PALM2AKAP2: variants seen among roughly 807,000 people sequenced by gnomAD.
The protein encoded by PALM2AKAP2 is PALM2 and AKAP2 fusion.
In PALM2AKAP2, 37 loss-of-function variants were observed where a neutral mutation model predicts 71.5. The ratio of observed to expected loss-of-function variants is 0.52; its 90% CI spans 0.40 to 0.68. The LOEUF (loss-of-function observed/expected upper bound fraction) is 0.68, where lower values mean the gene tolerates loss of function less well. Ranked by LOEUF, PALM2AKAP2 falls within the 30% of genes least tolerant of loss-of-function variation. The pLI is 0.00. For synonymous variants in PALM2AKAP2, 468 were observed against 478.8 expected, an observed-to-expected ratio of 0.98 and a Z score of 0.29; for missense variants, 1,224 against 1,191.8, an observed-to-expected ratio of 1.03 and a Z score of -0.40.
At chr9:109,693,259 C>G (rs1291543476) in intron 1 of PALM2AKAP2, among the ~76,000 whole-genome samples, 1 of 151,804 alleles carries the variant, frequency 6.6e-6, no homozygotes, top group Non-Finnish European at 1.5e-5. Context: ...TTTGTTGTCA[C>G]AAAGTTTTCT....
At chr9:109,700,051 G>A (rs1391349918) in intron 1 of PALM2AKAP2, among the ~76,000 whole-genome samples, 1 of 152,154 alleles carries the variant, frequency 6.6e-6, no homozygotes, top group Non-Finnish European at 1.5e-5. Flanking sequence ...TGAGATTACA[G>A]GCTTGAGCCA....
At chr9:109,958,903 GTGGGGGGAATAC>G (rs1277523064) in intron 6 of PALM2AKAP2, among the ~76,000 whole-genome samples, 1 of 152,198 alleles carries the variant, frequency 6.6e-6, no homozygotes, top group Non-Finnish European at 1.5e-5. Flanking sequence ...ATGAAATTCA[GTGGGGGGAATAC>G]CTGCCTGACC....
chr9:109,737,576 A>G (rs1587888837), intron 1 of PALM2AKAP2, among the ~76,000 whole-genome samples: 1 of 152,356 alleles, frequency 6.6e-6, no homozygotes, highest in Middle Eastern at 3.4e-3. Context: ...GGCACACAAG[A>G]AAGAAAGGTT....
chr9:110,026,979 G>T (rs1330217845), intron 7 of PALM2AKAP2, among the ~76,000 whole-genome samples: 6 of 152,214 alleles, frequency 3.9e-5, no homozygotes, highest in Admixed American at 6.5e-5. Context: ...GGAGGTAGAG[G>T]TTGCAGTGAG....
At chr9:109,865,096 CTTTTT>C (rs58922983) in intron 1 of PALM2AKAP2, among the ~76,000 whole-genome samples, 8,053 of 75,766 alleles carry the variant, frequency 0.11, 367 homozygotes, top group Middle Eastern at 0.31. Context: ...CTACTCATTC[CTTTTT>C]TTTTTTTTTT....
At chr9:109,856,008 G>A (rs546069319) in intron 1 of PALM2AKAP2, among the ~76,000 whole-genome samples, 4 of 152,142 alleles carry the variant, frequency 2.6e-5, no homozygotes, top group African/African-American at 7.2e-5. Context: ...AAACCCCCTT[G>A]GGCCCTAAAG....
chr9:110,097,206 C>T (rs1160722793), intron 1 of PALM2AKAP2, among the ~76,000 whole-genome samples: 1 of 150,744 alleles, frequency 6.6e-6, no homozygotes, highest in African/African-American at 2.5e-5. Context: ...CATCTTGCAC[C>T]GCCCTTAATC....
At chr9:109,804,376 C>T (rs1218567846) in intron 1 of PALM2AKAP2, among the ~76,000 whole-genome samples, 17 of 152,182 alleles carry the variant, frequency 1.1e-4, no homozygotes. Context: ...AAGCTGTAAT[C>T]TCAGTCTGGG....
chr9:110,051,808 A>T (rs1415816102), intron 1 of PALM2AKAP2, among the ~76,000 whole-genome samples: 1 of 152,152 alleles, frequency 6.6e-6, no homozygotes, highest in Non-Finnish European at 1.5e-5. Flanking sequence ...TAGATTGTTG[A>T]TCAGGGATTC....
At chr9:109,917,802 C>T (rs1477684971) in intron 3 of PALM2AKAP2, among the ~76,000 whole-genome samples, 1 of 152,170 alleles carries the variant, frequency 6.6e-6, no homozygotes, top group Non-Finnish European at 1.5e-5. Context: ...CCCTCCTTTC[C>T]CTTTTAGGGA....
In PALM2AKAP2 at chr9:109,696,707, C is replaced by A. The variant is rs1041912635; in HGVS notation, c.5+55841C>A. Among the ~76,000 whole-genome samples, 8 of 152,280 alleles carry A rather than the reference C, an allele frequency of 5.3e-5. No homozygotes were observed. In the South Asian group the frequency reaches 1.0e-3, roughly 20 times the overall value. ...TGTGGTGTTCCACCTGCATCCCCTTCCCTGGGCCAGTGCATCTGTCTCCCG... is the reference window on the plus strand; with the variant it reads ...TGTGGTGTTCCACCTGCATCCCCTTACCTGGGCCAGTGCATCTGTCTCCCG... On this transcript the variant is annotated intron_variant, in intron 1 of 6. Transcript: ENST00000374531.
chr9:109,947,849 T>A (rs1463706478), intron 6 of PALM2AKAP2, among the ~76,000 whole-genome samples: 1 of 152,232 alleles, frequency 6.6e-6, no homozygotes, highest in African/African-American at 2.4e-5. Flanking sequence ...ATTCTCAGCA[T>A]AAGTAAGACA....
chr9:109,898,311 A>G (rs765797772), intron 3 of PALM2AKAP2, among the ~76,000 whole-genome samples: 4 of 152,220 alleles, frequency 2.6e-5, no homozygotes, highest in African/African-American at 7.2e-5. Flanking sequence ...CCTGTGCACA[A>G]ACATGTGCTT....
intron 6 of PALM2AKAP2, among the ~76,000 whole-genome samples, chr9:109,937,737 C>A (rs1831261190): frequency 6.6e-6 from 1 of 152,162 alleles, no homozygotes; most frequent in Admixed American, 6.5e-5. Flanking sequence ...TCTTCTATTT[C>A]TTTTCCTTCT....
At chr9:109,904,485 T>C (rs1469375475) in intron 3 of PALM2AKAP2, among the ~76,000 whole-genome samples, 3 of 152,236 alleles carry the variant, frequency 2.0e-5, no homozygotes, top group Non-Finnish European at 4.4e-5. Context: ...TTTATGCAGG[T>C]CCCAGGTCAT....
At chr9:109,652,214 C>T (rs1399655803) in intron 1 of PALM2AKAP2, among the ~76,000 whole-genome samples, 2 of 152,126 alleles carry the variant, frequency 1.3e-5, no homozygotes, top group Admixed American at 6.5e-5. Context: ...TATTTGTCCT[C>T]CCACCCAGAT....
At chr9:109,802,828 G>A (rs1018660358) in intron 1 of PALM2AKAP2, among the ~76,000 whole-genome samples, 7 of 152,218 alleles carry the variant, frequency 4.6e-5, no homozygotes, top group Admixed American at 3.3e-4. Context: ...GAGGAAGAGC[G>A]TAAATTTAGA....
chr9:109,732,028 C>T (rs1216427110), intron 1 of PALM2AKAP2, among the ~76,000 whole-genome samples: 2 of 152,194 alleles, frequency 1.3e-5, no homozygotes, highest in Non-Finnish European at 2.9e-5. Context: ...ACTTTCGTGC[C>T]TTCAGCAGGA....
exon 3 of PALM2AKAP2, chr9:110,156,374 G>A (rs888716511): frequency 3.1e-6 from 5 of 1,610,962 alleles, no homozygotes; most frequent in Non-Finnish European, 4.2e-6. Context: ...GCCCCAGCTT[G>A]CAGCCTGACT....
Sources: allele counts gnomAD v4.1 joint callset (sites outside exome capture counted in the v4.1 genomes callset), GRCh38; gene constraint gnomAD v4.1.1; transcripts MANE v1.5; gene names NCBI Gene and HGNC (gene_info 2026-07-23, HGNC 2026-07-21).